Variants in SPECC1 observed in about 807,000 individuals in gnomAD.
The protein encoded by SPECC1 is sperm antigen with calponin homology and coiled-coil domains 1.
In SPECC1, 62 loss-of-function variants were observed where a neutral mutation model predicts 104.1. The ratio of observed to expected loss-of-function variants is 0.60; its 90% CI spans 0.49 to 0.74. The LOEUF is 0.74. Ranked by LOEUF, SPECC1 falls within the 30% of genes least tolerant of loss-of-function variation. The pLI is 0.00. For missense variants in SPECC1, 1,306 were observed against 1,310.5 expected, an observed-to-expected ratio of 1.00 and a Z score of 0.05; for synonymous variants, 513 against 501.6, an observed-to-expected ratio of 1.02 and a Z score of -0.30.
intron 1 of SPECC1, among the ~76,000 whole-genome samples, chr17:20,093,714 G>C (rs141158269): frequency 1.0e-3 from 107 of 103,148 alleles, no homozygotes; most frequent in African/African-American, 3.8e-3. Context: ...TTTTGTTTTT[G>C]TTTTTGTTTT....
At chr17:20,225,047 G>C (rs2038117419) in intron 4 of SPECC1, among the ~76,000 whole-genome samples, 1 of 152,090 alleles carries the variant, frequency 6.6e-6, no homozygotes, top group Non-Finnish European at 1.5e-5. Flanking sequence ...ATGACAGTGG[G>C]TTTCCTTCTG....
chr17:20,163,122 A>G (rs1452993095), intron 3 of SPECC1, among the ~76,000 whole-genome samples: 2 of 152,262 alleles, frequency 1.3e-5, no homozygotes, highest in Non-Finnish European at 2.9e-5. Context: ...TTACTGTAAT[A>G]AATGTCAGTG....
intron 1 of SPECC1, among the ~76,000 whole-genome samples, chr17:20,070,002 G>GT (rs1191060436): frequency 6.6e-6 from 1 of 151,976 alleles, no homozygotes; most frequent in African/African-American, 2.4e-5. Context: ...GCCCTAAGAG[G>GT]TTTTTTTGTT....
chr17:20,282,306 C>G (rs1406045075), intron 12 of SPECC1, among the ~76,000 whole-genome samples: 1 of 152,210 alleles, frequency 6.6e-6, no homozygotes, highest in Non-Finnish European at 1.5e-5. Flanking sequence ...GTCCTCTCGC[C>G]ATAGGAAGGC....
chr17:20,282,490 C>G lies in SPECC1; in HGVS notation c.2941-14471C>G, dbSNP rs142368640. Among the ~76,000 whole-genome samples, 209 of 152,318 alleles carry G rather than the reference C, an allele frequency of 1.4e-3. 1 individual carries two copies. Among genetic ancestry groups the G allele is most frequent in the African/African-American group, 4.9e-3 (204 of 41,566 alleles). On this transcript the variant is annotated intron_variant, in intron 12 of 14. Coordinates refer to ENST00000395527, the MANE Select transcript of SPECC1 (RefSeq NM_001243439.2). ...ATTAGTCTCTAAATTTAATGCAATT[C>G]CGATTAAAATCCCAACAGACTTTCT...
Position 20,316,927 on chromosome 17 carries a change from C to T in SPECC1, c.*2862C>T, listed in dbSNP as rs148813207. 6.9e-4 allele frequency: 150 copies of T among 216,542 alleles called. No individual in the cohort carries two copies. In the East Asian group the frequency reaches 9.9e-3, roughly 14 times the overall value. 13.4% of individuals were successfully genotyped at this position (216,542 alleles called of 1,614,324 possible). On this transcript the variant is annotated 3_prime_UTR_variant, in exon 15 of 15. Transcript: ENST00000395527. ...CCCTCTCCACTGGGAGCCCAAGTTG[C>T]CAATGACTGTGGCCAAACTCCCCCA...
chr17:20,225,354 T>C (rs1351185228), intron 4 of SPECC1, among the ~76,000 whole-genome samples: 1 of 152,202 alleles, frequency 6.6e-6, no homozygotes, highest in Non-Finnish European at 1.5e-5. Context: ...TTGCAGCCCT[T>C]GTGGCCTAGC....
chr17:20,041,341 C>G (rs921394522), intron 1 of SPECC1, among the ~76,000 whole-genome samples: 16 of 152,112 alleles, frequency 1.1e-4, no homozygotes, highest in Admixed American at 2.0e-4. Context: ...CTCCTGAGTT[C>G]AAGCGATTCT....
chr17:20,160,815 C>G (rs34644796), intron 3 of SPECC1, among the ~76,000 whole-genome samples: 44,337 of 152,022 alleles, frequency 0.29, 8,265 homozygotes, highest in Non-Finnish European at 0.41. Flanking sequence ...TACTACTAAC[C>G]TGCACTATGA....
At chr17:20,250,568 A>G (rs1427849365) in intron 9 of SPECC1, among the ~76,000 whole-genome samples, 2 of 152,236 alleles carry the variant, frequency 1.3e-5, no homozygotes, top group Non-Finnish European at 2.9e-5. Flanking sequence ...AGGAGAGAGT[A>G]GTAGAAAATC....
intron 3 of SPECC1, among the ~76,000 whole-genome samples, chr17:20,165,072 G>A (rs976117655): frequency 2.6e-5 from 4 of 151,976 alleles, no homozygotes; most frequent in East Asian, 1.9e-4. Flanking sequence ...AAGGATACAC[G>A]TGCATGACAT....
At chr17:20,231,664 G>A in intron 5 of SPECC1, 94 bp from the exon 6 acceptor site, 1 of 1,081,522 alleles carries the variant, frequency 9.2e-7, no homozygotes, top group Non-Finnish European at 1.4e-6. Context: ...GCCTGTTGTG[G>A]CATCTGGAGC....
At chr17:20,174,355 T>C (rs1007303928) in intron 3 of SPECC1, among the ~76,000 whole-genome samples, 2 of 152,192 alleles carry the variant, frequency 1.3e-5, no homozygotes, top group Non-Finnish European at 2.9e-5. Context: ...ACTGTAAATA[T>C]GCAGTTAGGA....
chr17:20,255,502 G>T (rs1441966781), intron 10 of SPECC1, among the ~76,000 whole-genome samples: 1 of 152,200 alleles, frequency 6.6e-6, no homozygotes, highest in Non-Finnish European at 1.5e-5. Flanking sequence ...TAAGCCTTTG[G>T]TAGATAATAT....
rs551101619 is a variant in SPECC1, at chr17:20,193,255, G to C, written c.284-11078G>C. The stretch of plus-strand genomic sequence containing the variant: ...TTAGCCAGCTTCTTTACTGCAGCCT[G>C]TTATATCAGCAAGGTCTTTATGACC... On this transcript the variant is annotated intron_variant, in intron 3 of 14. Coordinates refer to ENST00000395527, the MANE Select transcript of SPECC1 (RefSeq NM_001243439.2). Among the ~76,000 whole-genome samples, 251 of 152,290 alleles carry C rather than the reference G, an allele frequency of 1.6e-3. 2 individuals are homozygous for C. The highest frequency in any genetic ancestry group is 1.0e-2 in the South Asian group (48 of 4,820).
chr17:20,301,692 T>C (rs2041589391), intron 13 of SPECC1, among the ~76,000 whole-genome samples: 1 of 151,988 alleles, frequency 6.6e-6, no homozygotes, highest in African/African-American at 2.4e-5. Flanking sequence ...CCATGAAAGA[T>C]TTTGTCATTT....
chr17:20,246,204 C>T lies in SPECC1; in HGVS notation c.2497+133C>T, dbSNP rs112631084. 4.3e-4 allele frequency: 438 copies of T among 1,019,812 alleles called. 2 individuals are homozygous for T. In the African/African-American group the frequency reaches 5.7e-3, roughly 13 times the overall value. 63.2% of individuals were successfully genotyped at this position (1,019,812 alleles called of 1,614,324 possible). Reference sequence around the variant, plus strand: ...CAAGGGCGCTTTCCAGGTCCTACCACGTGCAGCCACTGCATGCAGGAGCCT... The same window carrying T: ...CAAGGGCGCTTTCCAGGTCCTACCATGTGCAGCCACTGCATGCAGGAGCCT... On this transcript the variant is annotated intron_variant, in intron 8 of 14. Coordinates refer to ENST00000395527, the MANE Select transcript of SPECC1 (RefSeq NM_001243439.2).
chr17:20,294,891 T>G lies in SPECC1; in HGVS notation c.2941-2070T>G, dbSNP rs115819408. 8.0e-3 allele frequency among the ~76,000 whole-genome samples: 1,221 copies of G among 152,282 alleles called. 19 individuals carry two copies. The highest frequency in any genetic ancestry group is 0.028 in the African/African-American group (1,162 of 41,562). On this transcript the variant is annotated intron_variant, in intron 12 of 14. Transcript: ENST00000395527. ...CACTGAAGGCTTTTCCTCAATACTATTCTGTGAATGGATTTGGGCAACACC... is the reference window on the plus strand; with the variant it reads ...CACTGAAGGCTTTTCCTCAATACTAGTCTGTGAATGGATTTGGGCAACACC...
intron 3 of SPECC1, among the ~76,000 whole-genome samples, chr17:20,166,754 C>T (rs531086501): frequency 6.6e-6 from 1 of 152,228 alleles, no homozygotes; most frequent in African/African-American, 2.4e-5. Context: ...CAGTACCTAG[C>T]CCAGCCTTGT....
Sources: gnomAD v4.1 joint callset for allele counts (sites outside exome capture counted in the v4.1 genomes callset) on GRCh38, gnomAD v4.1.1 for gene constraint, MANE v1.5 for transcripts, NCBI Gene and HGNC (gene_info 2026-07-23, HGNC 2026-07-21) for gene names.